ROBO2: variants seen among roughly 807,000 people sequenced by gnomAD.
ROBO2 encodes roundabout guidance receptor 2.
A neutral mutation model predicts 160.8 loss-of-function variants in ROBO2; 53 were observed. The observed-to-expected ratio is 0.33, with a 90% CI of 0.26 to 0.41. The LOEUF is 0.41. ROBO2 is among the 10% of genes least tolerant of loss of function. ROBO2 has a pLI of 1.00. For synonymous variants in ROBO2, 664 were observed against 611.7 expected, an observed-to-expected ratio of 1.09 and a Z score of -1.26; for missense variants, 1,577 against 1,722.4, an observed-to-expected ratio of 0.92 and a Z score of 1.49.
At chr3:76,611,954 G>C (rs976323068) in intron 2 of ROBO2, among the ~76,000 whole-genome samples, 2 of 151,980 alleles carry the variant, frequency 1.3e-5, no homozygotes, top group African/African-American at 4.8e-5. Context: ...TTGGTATATT[G>C]TGTTTCCATT....
Position 77,280,352 on chromosome 3 carries a change from C to T in ROBO2, c.388+182012C>T, listed in dbSNP as rs148445012. Among the ~76,000 whole-genome samples the T allele has an allele frequency of 3.6e-3, 545 of 152,246 alleles. 2 individuals carry two copies. The highest frequency in any genetic ancestry group is 5.6e-3 in the Admixed American group (86 of 15,296). ...AAAATGGTTATGTGGAAAGTTATAG[C>T]TAATTTAAATCTAGGGTTGATAAAT... On this transcript the variant is annotated intron_variant, in intron 2 of 25. Transcript: ENST00000461745.
intron 12 of ROBO2, among the ~76,000 whole-genome samples, chr3:77,565,845 A>G (rs2093464698): frequency 1.3e-5 from 2 of 152,098 alleles, no homozygotes; most frequent in Admixed American, 1.3e-4. Flanking sequence ...AGATTTCATA[A>G]TTTTATCCTT....
At chr3:77,077,493 C>T (rs531686790) in intron 1 of ROBO2, among the ~76,000 whole-genome samples, 10 of 152,156 alleles carry the variant, frequency 6.6e-5, no homozygotes, top group African/African-American at 2.4e-4. Flanking sequence ...TACAAGTGAC[C>T]GGCAAGCCTT....
chr3:77,628,643 T>C (rs1444709860), intron 23 of ROBO2, among the ~76,000 whole-genome samples: 1 of 152,200 alleles, frequency 6.6e-6, no homozygotes, highest in Non-Finnish European at 1.5e-5. Context: ...CTTTTAAAAA[T>C]ATTTACCATA....
chr3:77,184,551 G>A (rs2081104162), intron 2 of ROBO2, among the ~76,000 whole-genome samples: 2 of 151,970 alleles, frequency 1.3e-5, no homozygotes, highest in African/African-American at 4.8e-5. Flanking sequence ...ATTGATTTTA[G>A]CATGCCTAAA....
intron 1 of ROBO2, among the ~76,000 whole-genome samples, chr3:77,085,826 T>C (rs774843597): frequency 1.3e-5 from 2 of 152,096 alleles, no homozygotes; most frequent in Middle Eastern, 6.3e-3. Flanking sequence ...AAGTTATTGC[T>C]TTAAAAGGAT....
chr3:77,022,505 A>G (rs148930875), intron 2 of ROBO2, among the ~76,000 whole-genome samples: 2 of 152,320 alleles, frequency 1.3e-5, no homozygotes, highest in African/African-American at 4.8e-5. Flanking sequence ...TTCCTATTAG[A>G]TCGTATGCTT....
chr3:76,090,146 T>G (rs370277056), intron 2 of ROBO2, among the ~76,000 whole-genome samples: 6 of 152,190 alleles, frequency 3.9e-5, no homozygotes, highest in African/African-American at 1.4e-4. Context: ...TAAGGAACAC[T>G]ACGAAACTCT....
At chr3:77,351,606 C>A (rs2068337178) in intron 2 of ROBO2, among the ~76,000 whole-genome samples, 1 of 152,044 alleles carries the variant, frequency 6.6e-6, no homozygotes, top group South Asian at 2.1e-4. Flanking sequence ...AACAAAGTGG[C>A]AGAGTCATCT....
intron 2 of ROBO2, among the ~76,000 whole-genome samples, chr3:76,204,255 T>C (rs1702696278): frequency 6.6e-6 from 1 of 152,168 alleles, no homozygotes; most frequent in African/African-American, 2.4e-5. Context: ...AGTAACTACT[T>C]AGAATTGAGG....
Position 77,136,157 on chromosome 3 carries a change from A to G in ROBO2, c.388+37817A>G, listed in dbSNP as rs191509535. 3.9e-3 allele frequency among the ~76,000 whole-genome samples: 591 copies of G among 152,296 alleles called. 2 individuals are homozygous for G. The highest frequency in any genetic ancestry group is 6.4e-3 in the Non-Finnish European group (433 of 68,030). The stretch of plus-strand genomic sequence containing the variant: ...TATATTCTACACATAATGTGGTATT[A>G]CAGAATGACGAATTATAGAAAGATC... On this transcript the variant is annotated intron_variant, in intron 2 of 25. Transcript: ENST00000461745.
chr3:77,556,290 T>A (rs2093117654), intron 8 of ROBO2, among the ~76,000 whole-genome samples: 1 of 151,922 alleles, frequency 6.6e-6, no homozygotes, highest in Non-Finnish European at 1.5e-5. Context: ...TACTTCAATA[T>A]TTTCTTAAAA....
chr3:76,671,825 C>G (rs1230721538), intron 2 of ROBO2, among the ~76,000 whole-genome samples: 2 of 151,754 alleles, frequency 1.3e-5, no homozygotes, highest in African/African-American at 4.8e-5. Context: ...TAAATTACTG[C>G]TATAATTTAA....
At chr3:76,280,100 A>C (rs946625467) in intron 2 of ROBO2, among the ~76,000 whole-genome samples, 4 of 152,056 alleles carry the variant, frequency 2.6e-5, no homozygotes, top group Non-Finnish European at 5.9e-5. Flanking sequence ...CTTGGTGTAC[A>C]ATAGAACATT....
intron 2 of ROBO2, among the ~76,000 whole-genome samples, chr3:76,423,409 G>A (rs1213057866): frequency 6.6e-6 from 1 of 152,132 alleles, no homozygotes; most frequent in Non-Finnish European, 1.5e-5. Flanking sequence ...GACATTACCT[G>A]AGTAATGGAA....
chr3:77,434,267 A>G (rs80327458), intron 2 of ROBO2, among the ~76,000 whole-genome samples: 2,034 of 152,062 alleles, frequency 0.013, 46 homozygotes, highest in African/African-American at 0.044. Flanking sequence ...AACTTACCTC[A>G]TATCCTTAAT....
intron 2 of ROBO2, among the ~76,000 whole-genome samples, chr3:76,448,354 C>A (rs1026671330): frequency 6.6e-6 from 1 of 151,968 alleles, no homozygotes; most frequent in Non-Finnish European, 1.5e-5. Context: ...TGTTTTAATA[C>A]GAGGAAATGA....
intron 2 of ROBO2, among the ~76,000 whole-genome samples, chr3:77,175,176 A>G (rs1412542385): frequency 6.6e-6 from 1 of 152,078 alleles, no homozygotes; most frequent in African/African-American, 2.4e-5. Flanking sequence ...TATATTTAGT[A>G]GTAATTGTTA....
intron 2 of ROBO2, among the ~76,000 whole-genome samples, chr3:77,004,601 C>T (rs2061489748): frequency 1.3e-5 from 2 of 152,176 alleles, no homozygotes; most frequent in African/African-American, 2.4e-5. Flanking sequence ...TGCTTATCAT[C>T]AAAGTTCCCA....
Sources: allele counts gnomAD v4.1 joint callset (sites outside exome capture counted in the v4.1 genomes callset), GRCh38; gene constraint gnomAD v4.1.1; transcripts MANE v1.5; gene names NCBI Gene and HGNC (gene_info 2026-07-23, HGNC 2026-07-21).